The following TCF20 variants were observed in gnomAD, a reference collection of about 807,000 sequenced individuals.
The protein encoded by TCF20 is transcription factor 20.
TCF20 carries 3 observed loss-of-function variants against 148.6 expected under a neutral mutation model. That is an observed-to-expected ratio of 0.02 (90% CI 0.01 to 0.05). The LOEUF (loss-of-function observed/expected upper bound fraction) is 0.05. TCF20 is among the 10% of genes least tolerant of loss of function. The pLI is 1.00. For missense variants in TCF20, 2,350 were observed against 2,429.3 expected (o/e 0.97, Z 0.69); for synonymous variants, 1,049 against 909.5 (o/e 1.15, Z -2.76).
At chr22:42,254,990 A>G (rs1330031587) in intron 1 of TCF20, among the ~76,000 whole-genome samples, 1 of 149,772 alleles carries the variant, frequency 6.7e-6, no homozygotes, top group Non-Finnish European at 1.5e-5. Flanking sequence ...GGTAGAGGAA[A>G]AACATGATTA....
intron 1 of TCF20, among the ~76,000 whole-genome samples, chr22:42,269,237 A>C (rs1926458709): frequency 6.6e-6 from 1 of 152,180 alleles, no homozygotes; most frequent in Non-Finnish European, 1.5e-5. Flanking sequence ...TCAGCCTGTT[A>C]GATAATAGCT....
At chr22:42,168,547 A>G in intron 5 of TCF20, 62 bp downstream of exon 5, 2 of 1,531,216 alleles carry the variant, frequency 1.3e-6, no homozygotes, top group South Asian at 2.4e-5. Context: ...GCAGGAGGGC[A>G]GAGGCAACGA....
At chr22:42,183,156 C>T (rs1245083648) in intron 2 of TCF20, among the ~76,000 whole-genome samples, 1 of 152,070 alleles carries the variant, frequency 6.6e-6, no homozygotes, top group Admixed American at 6.6e-5. Flanking sequence ...TTTTCAGATG[C>T]GGAAAAAAGA....
intron 2 of TCF20, among the ~76,000 whole-genome samples, chr22:42,182,712 A>G (rs1824665422): frequency 6.6e-6 from 1 of 152,238 alleles, no homozygotes; most frequent in Admixed American, 6.5e-5. Context: ...AGCAACACTC[A>G]GGGACTTGTC....
At chr22:42,175,870 C>T (rs1241127072) in intron 3 of TCF20, among the ~76,000 whole-genome samples, 1 of 152,130 alleles carries the variant, frequency 6.6e-6, no homozygotes, top group Non-Finnish European at 1.5e-5. Context: ...TGCAGTGGCC[C>T]AACTGAGGGT....
chr22:42,301,910 C>T (rs1416168465), intron 1 of TCF20, among the ~76,000 whole-genome samples: 3 of 152,362 alleles, frequency 2.0e-5, no homozygotes, highest in Non-Finnish European at 1.5e-5. Flanking sequence ...AGACTCAGGG[C>T]CGGCAGGCCT....
chr22:42,326,408 C>A (rs1241661978), intron 1 of TCF20, among the ~76,000 whole-genome samples: 1 of 152,200 alleles, frequency 6.6e-6, no homozygotes, highest in Non-Finnish European at 1.5e-5. Flanking sequence ...CGGCTGGGGC[C>A]CAAGAGCCGT....
At chr22:42,267,741 G>A (rs145426170) in intron 1 of TCF20, among the ~76,000 whole-genome samples, 1 of 151,964 alleles carries the variant, frequency 6.6e-6, no homozygotes, top group African/African-American at 2.4e-5. Flanking sequence ...TGATAGGCCT[G>A]ATGGTAACAT....
chr22:42,194,346 G>A (rs1266183131), intron 2 of TCF20, among the ~76,000 whole-genome samples: 1 of 152,222 alleles, frequency 6.6e-6, no homozygotes, highest in Non-Finnish European at 1.5e-5. Context: ...GAGATGATTT[G>A]CTTCAATGAA....
At chr22:42,260,629 T>C (rs1349198063) in intron 1 of TCF20, among the ~76,000 whole-genome samples, 1 of 152,068 alleles carries the variant, frequency 6.6e-6, no homozygotes, top group Non-Finnish European at 1.5e-5. Context: ...AGACCACAGA[T>C]GAACATCACC....
At chr22:42,337,862 G>A (rs779309796) in intron 1 of TCF20, among the ~76,000 whole-genome samples, 3 of 152,196 alleles carry the variant, frequency 2.0e-5, no homozygotes, top group Non-Finnish European at 4.4e-5. Context: ...GAGGGTGGCC[G>A]GTGGCCTCAT....
chr22:42,311,138 C>T (rs1356369719), intron 1 of TCF20, among the ~76,000 whole-genome samples: 1 of 152,238 alleles, frequency 6.6e-6, no homozygotes, highest in Non-Finnish European at 1.5e-5. Flanking sequence ...CAAACTGCGG[C>T]TCACACACAG....
At chr22:42,202,905 C>T (rs1389240972) in intron 2 of TCF20, among the ~76,000 whole-genome samples, 1 of 152,192 alleles carries the variant, frequency 6.6e-6, no homozygotes, top group Non-Finnish European at 1.5e-5. Context: ...CTGAGTCACC[C>T]TGCAAGTTCC....
intron 2 of TCF20, among the ~76,000 whole-genome samples, chr22:42,195,863 G>A (rs1454547027): frequency 6.6e-6 from 1 of 152,148 alleles, no homozygotes; most frequent in African/African-American, 2.4e-5. Context: ...TCTTCCCACT[G>A]GAGGTTACAT....
chr22:42,242,433 A>G (rs1267384090), intron 1 of TCF20, among the ~76,000 whole-genome samples: 32 of 152,100 alleles, frequency 2.1e-4, no homozygotes, highest in Non-Finnish European at 2.4e-4. Context: ...CAAAAATAAC[A>G]TGAACCTGTT....
intron 1 of TCF20, among the ~76,000 whole-genome samples, chr22:42,332,381 C>G (rs1452348726): frequency 1.3e-5 from 2 of 152,186 alleles, no homozygotes; most frequent in Non-Finnish European, 2.9e-5. Context: ...GGAGCAGGAA[C>G]AGCCAGGGGG....
At chr22:42,308,837 G>A (rs1387184874) in intron 1 of TCF20, among the ~76,000 whole-genome samples, 1 of 152,128 alleles carries the variant, frequency 6.6e-6, no homozygotes, top group East Asian at 1.9e-4. Flanking sequence ...CGCTGGCCAG[G>A]TGATCACATG....
intron 1 of TCF20, among the ~76,000 whole-genome samples, chr22:42,256,087 C>T (rs1045030327): frequency 1.3e-5 from 2 of 152,182 alleles, no homozygotes; most frequent in African/African-American, 2.4e-5. Flanking sequence ...TCAAGGTCTA[C>T]CCAAATGCTC....
intron 1 of TCF20, among the ~76,000 whole-genome samples, chr22:42,275,930 A>G (rs969039096): frequency 4.6e-5 from 7 of 152,158 alleles, no homozygotes; most frequent in African/African-American, 1.7e-4. Context: ...TTCTCGCCTC[A>G]TTTTGCAGAT....
Sources: gnomAD v4.1 joint callset for allele counts (sites outside exome capture counted in the v4.1 genomes callset) on GRCh38, gnomAD v4.1.1 for gene constraint, MANE v1.5 for transcripts, NCBI Gene and HGNC (gene_info 2026-07-23, HGNC 2026-07-21) for gene names.